APCDD1: variants seen among roughly 807,000 people sequenced by gnomAD.
The protein encoded by APCDD1 is APC down-regulated 1, also known as protein APCDD1.
In APCDD1, 15 loss-of-function variants were observed where a neutral mutation model predicts 38.1. The ratio of observed to expected loss-of-function variants is 0.39; its 90% CI spans 0.26 to 0.61. The LOEUF is 0.61. Among genes scored for constraint, APCDD1 ranks in the 20% least tolerant of loss-of-function variants. APCDD1 has a pLI of 0.49. For synonymous variants in APCDD1, 261 were observed against 279.7 expected (o/e 0.93, Z 0.67); for missense variants, 647 against 696.2 (o/e 0.93, Z 0.79).
chr18:10,464,054 CT>C (rs1186711165), intron 1 of APCDD1, among the ~76,000 whole-genome samples: 2 of 152,074 alleles, frequency 1.3e-5, no homozygotes, highest in African/African-American at 2.4e-5. Context: ...TATTTAATGT[CT>C]TTTTTTTCCT....
rs1244403020 is a variant in APCDD1 at position 10,479,444 on chromosome 18, T to C, written c.775-6018T>C. ...GAAGATGGCGAAAACAAACAGATAC[T>C]GTCAGCAGATGTTGATGAACCACCT... On this transcript the variant is annotated intron_variant, in intron 3 of 4. Coordinates refer to ENST00000355285, the MANE Select transcript of APCDD1 (RefSeq NM_153000.5). Among the ~76,000 whole-genome samples the C allele has an allele frequency of 2.6e-5, 4 of 152,224 alleles. No individual in the cohort carries two copies. The South Asian group carries it at 8.3e-4, about 32-fold the overall frequency.
chr18:10,481,758 C>T (rs956501537), intron 3 of APCDD1, among the ~76,000 whole-genome samples: 2 of 151,888 alleles, frequency 1.3e-5, no homozygotes, highest in Admixed American at 1.3e-4. Context: ...ACTCCCTGCA[C>T]CCTCCCTAAA....
chr18:10,455,886 G>A (rs1345253552), intron 1 of APCDD1, among the ~76,000 whole-genome samples: 2 of 152,174 alleles, frequency 1.3e-5, no homozygotes, highest in Non-Finnish European at 2.9e-5. Context: ...AGCCGTGGCA[G>A]ATCACGTCGT....
Position 10,472,121 on chromosome 18 carries a change from G to C in APCDD1, c.774+60G>C, listed in dbSNP as rs535236299. ...GTAAAGTGGGTGATCCTTCTTAAAG[G>C]CTTGCCATGGGGGCTCTAGGGCACC... On this transcript the variant is annotated intron_variant, in intron 3 of 4. Coordinates refer to ENST00000355285, the MANE Select transcript of APCDD1 (RefSeq NM_153000.5). This position sits in a 1 kb window ranked among gnomAD's most constrained non-coding sequence, Gnocchi z 6.6. The C allele has an allele frequency of 6.2e-5, 99 of 1,608,152 alleles. 1 individual carries two copies. In the Middle Eastern group the frequency reaches 3.3e-3, roughly 54 times the overall value.
In APCDD1 at chr18:10,472,103, G is replaced by A; in HGVS notation, c.774+42G>A. 6.2e-7 allele frequency: 1 copy of A among 1,611,464 alleles called. No homozygotes were observed. The highest frequency in any genetic ancestry group is 8.5e-7 in the Non-Finnish European group (1 of 1,179,670). Reference sequence around the variant, plus strand: ...TGTTCTCCTCTTTATTGAGTAAAGTGGGTGATCCTTCTTAAAGGCTTGCCA... The same window carrying A: ...TGTTCTCCTCTTTATTGAGTAAAGTAGGTGATCCTTCTTAAAGGCTTGCCA... On this transcript the variant is annotated intron_variant, in intron 3 of 4. Coordinates refer to ENST00000355285, the MANE Select transcript of APCDD1 (RefSeq NM_153000.5). The surrounding 1 kb of genome is among the most constrained non-coding windows in gnomAD (Gnocchi z 6.6).
At chr18:10,463,327 T>G (rs1401336459) in intron 1 of APCDD1, among the ~76,000 whole-genome samples, 11 of 152,098 alleles carry the variant, frequency 7.2e-5, no homozygotes, top group Non-Finnish European at 1.2e-4. Flanking sequence ...TGTTTGTAGA[T>G]GCTATGTCCA....
chr18:10,464,832 G>A lies in APCDD1; in HGVS notation c.59-3637G>A, dbSNP rs188718913. Among the ~76,000 whole-genome samples the A allele has an allele frequency of 1.7e-3, 258 of 152,312 alleles. 2 individuals are homozygous for A. The highest frequency in any genetic ancestry group is 2.5e-3 in the Non-Finnish European group (172 of 68,020). On this transcript the variant is annotated intron_variant, in intron 1 of 4. Transcript: ENST00000355285. The stretch of plus-strand genomic sequence containing the variant: ...GGGTCATCATTTAACTTTGCCTGGA[G>A]GCCCTATGTCCTTATACTTTGTCCT...
At position 10,476,498 on chromosome 18, in the gene APCDD1, G is replaced by T. The variant is rs996395470; in HGVS notation, c.774+4437G>T. 7.9e-5 allele frequency: 12 copies of T among 152,242 alleles called. No individual in the cohort carries two copies. The highest frequency in any genetic ancestry group is 1.6e-4 in the Non-Finnish European group (11 of 68,046). 9.4% of individuals were successfully genotyped at this position (152,242 alleles called of 1,614,324 possible). ...CAGAGCAGCCATAATCCTCTGCCGA[G>T]ATTCTTCAGAACTATGCAGTTGGAG... On this transcript the variant is annotated intron_variant, in intron 3 of 4. Transcript: ENST00000355285. The surrounding 1 kb of genome is among the most constrained non-coding windows in gnomAD (Gnocchi z 5.8).
At chr18:10,461,295 A>G (rs992628017) in intron 1 of APCDD1, among the ~76,000 whole-genome samples, 10 of 152,198 alleles carry the variant, frequency 6.6e-5, no homozygotes, top group African/African-American at 2.4e-4. Context: ...TTTCTAACAG[A>G]TGAACCATTC....
In APCDD1 at chr18:10,487,871, C is replaced by T. The variant is rs752200924; in HGVS notation, c.1378C>T (p.Gln460Ter). ...DRPEKRATSY[Q>*]MPLVQCASSS... ...GCCAGAGAAGAGAGCCACGTCCTAC[C>T]AGATGCCCTTGGTCCAGTGTGCCTC... Residue 460 changes from glutamine (Q) to a stop codon, truncating the protein, a stop_gained, in exon 5 of 5, where the codon CAG becomes TAG. Transcript: ENST00000355285. LOFTEE classifies it low-confidence loss of function (END_TRUNC). 1.2e-6 allele frequency: 2 copies of T among 1,613,814 alleles called. No homozygotes were observed. The highest frequency in any genetic ancestry group is 1.7e-6 in the Non-Finnish European group (2 of 1,179,992).
intron 1 of APCDD1, among the ~76,000 whole-genome samples, chr18:10,463,536 G>A (rs1009594992): frequency 7.2e-5 from 11 of 152,180 alleles, no homozygotes; most frequent in Admixed American, 5.9e-4. Flanking sequence ...GGGTTTACCG[G>A]TCTAACTTTT....
Position 10,454,872 on chromosome 18 carries a change from C to T in APCDD1, c.-110C>T, listed in dbSNP as rs1038066894. 8.4e-7 allele frequency: 1 copy of T among 1,186,100 alleles called. No individual in the cohort carries two copies. The highest frequency in any genetic ancestry group is 1.0e-6 in the Non-Finnish European group (1 of 953,602). 73.5% of individuals were successfully genotyped at this position (1,186,100 alleles called of 1,614,324 possible). A position where few individuals can be genotyped will look rare whatever the true frequency, so the allele number is the denominator to read the frequency against. On this transcript the variant is annotated 5_prime_UTR_variant, in exon 1 of 5. Transcript: ENST00000355285. Reference sequence around the variant, plus strand: ...GGCGCGCGGCAGCCGCCTGAAGCCCCGGCCTGGCCCGGCCGCACCCGGCCG... The same window carrying T: ...GGCGCGCGGCAGCCGCCTGAAGCCCTGGCCTGGCCCGGCCGCACCCGGCCG...
At chr18:10,465,988 G>C (rs1254243341) in intron 1 of APCDD1, among the ~76,000 whole-genome samples, 1 of 152,092 alleles carries the variant, frequency 6.6e-6, no homozygotes, top group Non-Finnish European at 1.5e-5. Flanking sequence ...ATACTTGCAG[G>C]GTGTAGAGGT....
At chr18:10,477,172 G>C (rs2031022032) in intron 3 of APCDD1, 1 of 152,338 alleles carries the variant, frequency 6.6e-6, no homozygotes, top group South Asian at 2.1e-4. Flanking sequence ...GATTTGCAGA[G>C]GTGATGGGAG....
chr18:10,455,572 G>T (rs1333820770), intron 1 of APCDD1, among the ~76,000 whole-genome samples: 1 of 152,228 alleles, frequency 6.6e-6, no homozygotes, highest in African/African-American at 2.4e-5. Context: ...CGCGATTGAG[G>T]CGGGGTTGTG....
At chr18:10,484,336 A>G (rs1181553092) in intron 3 of APCDD1, among the ~76,000 whole-genome samples, 1 of 152,210 alleles carries the variant, frequency 6.6e-6, no homozygotes, top group Non-Finnish European at 1.5e-5. Flanking sequence ...TTTCCTACAC[A>G]ACTCCATTTC....
chr18:10,469,289 C>A lies in APCDD1; in HGVS notation c.242+637C>A, dbSNP rs147708003. On this transcript the variant is annotated intron_variant, in intron 2 of 4. Coordinates refer to ENST00000355285, the MANE Select transcript of APCDD1 (RefSeq NM_153000.5). The surrounding 1 kb of genome is among the most constrained non-coding windows in gnomAD (Gnocchi z 5.5). Reference sequence around the variant, plus strand: ...TGGGATCTGATCACTTCTCCCTGTGCGCTGTTCCCGGGATATGGATAGCAG... The same window carrying A: ...TGGGATCTGATCACTTCTCCCTGTGAGCTGTTCCCGGGATATGGATAGCAG... 4.8e-4 allele frequency among the ~76,000 whole-genome samples: 73 copies of A among 152,158 alleles called. No homozygotes were observed. The highest frequency in any genetic ancestry group is 1.7e-3 in the African/African-American group (71 of 41,488).
intron 1 of APCDD1, among the ~76,000 whole-genome samples, chr18:10,461,411 C>G (rs2030537826): frequency 6.6e-6 from 1 of 152,194 alleles, no homozygotes; most frequent in South Asian, 2.1e-4. Context: ...ATGTTTGAGA[C>G]CATTTTATGG....
chr18:10,468,296 T>C (rs1341143389), intron 1 of APCDD1, among the ~76,000 whole-genome samples, 173 bp from the exon 2 acceptor site: 1 of 152,240 alleles, frequency 6.6e-6, no homozygotes, highest in African/African-American at 2.4e-5. Context: ...ACAATGACAC[T>C]TGCCACTTTG....
Sources: allele counts gnomAD v4.1 joint callset (sites outside exome capture counted in the v4.1 genomes callset), GRCh38; gene constraint gnomAD v4.1.1; non-coding constraint Gnocchi (gnomAD v3.1); transcripts MANE v1.5; gene names NCBI Gene and HGNC (gene_info 2026-07-23, HGNC 2026-07-21).